CCDC88A: variants seen among roughly 807,000 people sequenced by gnomAD.
CCDC88A encodes girdin.
Under a neutral mutation model 234.3 loss-of-function variants are expected in CCDC88A, and 54 were observed. The ratio of observed to expected loss-of-function variants is 0.23; its 90% CI spans 0.19 to 0.29. The LOEUF (loss-of-function observed/expected upper bound fraction) is 0.29. Among genes scored for constraint, CCDC88A ranks in the 10% least tolerant of loss-of-function variants. The pLI, the probability that CCDC88A is intolerant of heterozygous loss-of-function variation, is 1.00. For synonymous variants in CCDC88A, 753 were observed against 737.8 expected (o/e 1.02, Z -0.33); for missense variants, 1,832 against 2,123.4 (o/e 0.86, Z 2.70).
At chr2:55,408,222 A>C (rs1679922350) in intron 2 of CCDC88A, among the ~76,000 whole-genome samples, 1 of 152,070 alleles carries the variant, frequency 6.6e-6, no homozygotes, top group Non-Finnish European at 1.5e-5. Context: ...AATTCTGAAA[A>C]TCTACTCTGA....
At position 55,384,553 on chromosome 2, in the gene CCDC88A, A is replaced by ATATACACATATATACGCATATATGCG. The variant is rs1558787906; in HGVS notation, c.273+4224_273+4225insCGCATATATGCGTATATATGTGTATA. On this transcript the variant is annotated intron_variant, in intron 3 of 32. Transcript: ENST00000436346. ...TATACATATATACGTATATATGTGT[A>ATATACACATATATACGCATATATGCG]TATATACACATATATACGTATATAT... is the stretch of plus-strand genomic sequence containing the variant. 7.5e-5 allele frequency among the ~76,000 whole-genome samples: 3 copies of ATATACACATATATACGCATATATGCG among 40,220 alleles called. 1 individual carries two copies. The highest frequency in any genetic ancestry group is 3.8e-4 in the African/African-American group (3 of 7,822). 26.4% of individuals were successfully genotyped at this position (40,220 alleles called of 152,430 possible).
intron 3 of CCDC88A, among the ~76,000 whole-genome samples, chr2:55,380,279 A>G (rs1010898555): frequency 1.3e-5 from 2 of 151,952 alleles, no homozygotes; most frequent in Admixed American, 1.3e-4. Flanking sequence ...AATGAGAAAG[A>G]GTATTGGTGG....
In CCDC88A at chr2:55,317,689, ATCTTT is replaced by A; in HGVS notation, c.3472_3476del (p.Lys1158SerfsTer2). On this transcript the variant is annotated frameshift_variant, in exon 20 of 33. Coordinates refer to ENST00000436346, the MANE Select transcript of CCDC88A (RefSeq NM_001365480.1). LOFTEE classifies it high-confidence loss of function. The surrounding 1 kb of genome is among the most constrained non-coding windows in gnomAD (Gnocchi z 4.2). ...CATGAAGAAGTTCCAGCTTTTCATG[ATCTTT>A]GATCAGAGAATCATAGAGAGATTTT... The A allele has an allele frequency of 6.2e-7, 1 of 1,613,492 alleles. No individual in the cohort carries two copies. The highest frequency in any genetic ancestry group is 8.5e-7 in the Non-Finnish European group (1 of 1,179,618).
intron 16 of CCDC88A, chr2:55,331,763 ATTT>A (rs1160775976): frequency 6.6e-6 from 1 of 152,140 alleles, no homozygotes; most frequent in Admixed American, 6.5e-5. Context: ...ATAGAAGTTA[ATTT>A]TTTATCCAGC....
At chr2:55,397,709 T>C (rs1558818289) in intron 2 of CCDC88A, among the ~76,000 whole-genome samples, 1 of 152,178 alleles carries the variant, frequency 6.6e-6, no homozygotes, top group Non-Finnish European at 1.5e-5. Context: ...GTGTTAATGC[T>C]TCTTCTTAAA....
chr2:55,413,636 A>G (rs1035647784), intron 2 of CCDC88A, among the ~76,000 whole-genome samples: 1 of 152,176 alleles, frequency 6.6e-6, no homozygotes, highest in African/African-American at 2.4e-5. Context: ...GACAAAAGAT[A>G]GAGTCCCTGG....
At chr2:55,339,690 G>A (rs987679161) in intron 12 of CCDC88A, 42 bp from the exon 13 acceptor site, 3 of 1,528,480 alleles carry the variant, frequency 2.0e-6, no homozygotes, top group Admixed American at 2.1e-5. Flanking sequence ...ACTCTTTACT[G>A]TTTTTACTAT....
chr2:55,300,343 T>A (rs1430640216), intron 28 of CCDC88A: 4 of 163,260 alleles, frequency 2.5e-5, no homozygotes. Flanking sequence ...TGTATTCCTA[T>A]CTGTAACAAG....
chr2:55,378,034 A>T (rs185265768), intron 3 of CCDC88A, among the ~76,000 whole-genome samples: 2 of 152,342 alleles, frequency 1.3e-5, no homozygotes, highest in East Asian at 3.9e-4. Context: ...AACCGGAAAC[A>T]ACAACTTACA....
At chr2:55,310,917 G>A (rs1682271997) in intron 23 of CCDC88A, among the ~76,000 whole-genome samples, 1 of 152,150 alleles carries the variant, frequency 6.6e-6, no homozygotes, top group African/African-American at 2.4e-5. Flanking sequence ...CCTGTCCACT[G>A]CCATCCTGCT....
intron 2 of CCDC88A, among the ~76,000 whole-genome samples, chr2:55,401,600 A>G (rs1244224461): frequency 1.3e-5 from 2 of 149,206 alleles, no homozygotes; most frequent in African/African-American, 4.9e-5. Flanking sequence ...ATGACAGCCA[A>G]CAATAAATCT....
chr2:55,317,349 A>C lies in CCDC88A; in HGVS notation c.3603T>G (p.Arg1201=), dbSNP rs141894355. The C allele has an allele frequency of 3.2e-4, 470 of 1,469,716 alleles. No individual in the cohort carries two copies. The East Asian group carries it at 9.1e-3, about 28-fold the overall frequency. 91.0% of individuals were successfully genotyped at this position (1,469,716 alleles called of 1,614,324 possible). Residue 1201 remains arginine (R), a splice_region_variant and synonymous_variant, in exon 21 of 33, where the codon CGT becomes CGG. Coordinates refer to ENST00000436346, the MANE Select transcript of CCDC88A (RefSeq NM_001365480.1). This position sits in a 1 kb window ranked among gnomAD's most constrained non-coding sequence, Gnocchi z 4.2. ...CTTTCTGTTTTAATAACTGATTGTA[A>C]CTGGGGGGAAAAAAGGCATTTGGTT... ...LEVEHRDLED[R]YNQLLKQKGQ... is the part of the protein sequence containing the mutation.
At chr2:55,384,061 T>C (rs542143160) in intron 3 of CCDC88A, among the ~76,000 whole-genome samples, 9 of 151,680 alleles carry the variant, frequency 5.9e-5, no homozygotes, top group African/African-American at 1.2e-4. Flanking sequence ...AAATATAGCA[T>C]AGTGACACAC....
At chr2:55,405,838 G>GCTGCTA (rs1276628442) in intron 2 of CCDC88A, 1 of 152,148 alleles carries the variant, frequency 6.6e-6, no homozygotes, top group Non-Finnish European at 1.5e-5. Context: ...GTTAGGGGCT[G>GCTGCTA]CTGCTATACT....
In CCDC88A at chr2:55,308,989, A is replaced by G. The variant is rs370982437; in HGVS notation, c.4207T>C (p.Leu1403=). 1.1e-5 allele frequency: 17 copies of G among 1,613,812 alleles called. No individual in the cohort carries two copies. The East Asian group carries it at 2.5e-4, about 23-fold the overall frequency. ...TTAATATCTTTCTTAGACTTTATCAATTTTCTCATTTTTAGAGTAATCCAG... is the reference window on the plus strand; with the variant it reads ...TTAATATCTTTCTTAGACTTTATCAGTTTTCTCATTTTTAGAGTAATCCAG... ...GNWITLKMRK[L]IKSKKDINRE... The change falls in exon 25 of 33, where the codon TTG becomes CTG. Residue 1403 remains leucine (L), a synonymous_variant. Coordinates refer to ENST00000436346, the MANE Select transcript of CCDC88A (RefSeq NM_001365480.1).
At position 55,289,411 on chromosome 2, in the gene CCDC88A, T is replaced by C. The variant is rs1679289082; in HGVS notation, c.*1789A>G. ...TGCAATTGTCTCTAGACTGCTCTGA[T>C]ACCTATTACCAATGTGCTACTTGAA... On this transcript the variant is annotated 3_prime_UTR_variant, in exon 33 of 33. Coordinates refer to ENST00000436346, the MANE Select transcript of CCDC88A (RefSeq NM_001365480.1). 2 of 152,596 alleles carry C rather than the reference T, an allele frequency of 1.3e-5. No homozygotes were observed. The highest frequency in any genetic ancestry group is 4.1e-4 in the South Asian group (2 of 4,836). 9.5% of individuals were successfully genotyped at this position (152,596 alleles called of 1,614,324 possible).
At chr2:55,400,009 T>C (rs535592776) in intron 2 of CCDC88A, among the ~76,000 whole-genome samples, 19 of 152,192 alleles carry the variant, frequency 1.2e-4, no homozygotes, top group Non-Finnish European at 2.1e-4. Context: ...ACAAACAGTA[T>C]GGTATGACTC....
intron 8 of CCDC88A, among the ~76,000 whole-genome samples, chr2:55,353,975 T>C (rs1206512128): frequency 6.6e-6 from 1 of 152,192 alleles, no homozygotes; most frequent in Non-Finnish European, 1.5e-5. Context: ...GCCTACTATA[T>C]ACCTAGGCTA....
At chr2:55,386,961 G>C (rs1278305444) in intron 3 of CCDC88A, among the ~76,000 whole-genome samples, 4 of 151,080 alleles carry the variant, frequency 2.6e-5, no homozygotes, top group South Asian at 4.2e-4. Flanking sequence ...GATCACAGGA[G>C]GTCAGGAGTT....
Sources: gnomAD v4.1 joint callset for allele counts (sites outside exome capture counted in the v4.1 genomes callset) on GRCh38, gnomAD v4.1.1 for gene constraint, Gnocchi (gnomAD v3.1) non-coding constraint, MANE v1.5 for transcripts, NCBI Gene and HGNC (gene_info 2026-07-23, HGNC 2026-07-21) for gene names.